SF3B3: variants seen among roughly 807,000 people sequenced by gnomAD.
SF3B3 encodes splicing factor 3b subunit 3.
A neutral mutation model predicts 139.2 loss-of-function variants in SF3B3; 33 were observed. The ratio of observed to expected loss-of-function variants is 0.24; its 90% CI spans 0.18 to 0.32. The LOEUF (loss-of-function observed/expected upper bound fraction) is 0.32, where lower values mean the gene tolerates loss of function less well. Among genes scored for constraint, SF3B3 ranks in the 10% least tolerant of loss-of-function variants. SF3B3 has a pLI of 1.00. For synonymous variants in SF3B3, 596 were observed against 563.6 expected (o/e 1.06, Z -0.81); for missense variants, 818 against 1,509.4 (o/e 0.54, Z 7.59).
At chr16:70,541,170 T>C (rs553577503) in intron 8 of SF3B3, among the ~76,000 whole-genome samples, 1 of 152,368 alleles carries the variant, frequency 6.6e-6, no homozygotes, top group East Asian at 1.9e-4. Context: ...TGGTAGCTCA[T>C]TGTGGTTTGC....
At position 70,565,514 on chromosome 16, in the gene SF3B3, T is replaced by C. The variant is rs1205344756; in HGVS notation, c.2816T>C (p.Phe939Ser). The change falls in exon 20 of 26, where the codon TTT (phenylalanine) becomes TCT (serine). Residue 939 changes from phenylalanine (F) to serine (S), a missense_variant. Transcript: ENST00000302516. ...KLVNNGEKLE[F>S]LHKTPVEEVP... ...GTGAACAATGGGGAAAAACTGGAGTTTTTGCACAAGGTAGGAATCTGCCAG... is the reference window on the plus strand; with the variant it reads ...GTGAACAATGGGGAAAAACTGGAGTCTTTGCACAAGGTAGGAATCTGCCAG... 9 of 1,613,488 alleles carry C rather than the reference T, an allele frequency of 5.6e-6. No individual in the cohort carries two copies. The East Asian group carries it at 1.8e-4, about 32-fold the overall frequency.
chr16:70,523,953 C>T (rs999645293), intron 1 of SF3B3, 25 bp downstream of exon 1: 8 of 422,298 alleles, frequency 1.9e-5, no homozygotes, highest in Admixed American at 4.2e-5. Flanking sequence ...TGGAGACTTC[C>T]CCGGGCCCGG....
At position 70,572,966 on chromosome 16, in the gene SF3B3, A is replaced by G. The variant is rs1194240609; in HGVS notation, c.*1153A>G. ...CTGTTCTCAATACTTCACAAATGTA[A>G]AACTTTCTTTCGTCTGCATGTGCTC... is the stretch of plus-strand genomic sequence containing the variant. On this transcript the variant is annotated 3_prime_UTR_variant, in exon 26 of 26. Coordinates refer to ENST00000302516, the MANE Select transcript of SF3B3 (RefSeq NM_012426.5). 1 of 152,200 alleles carries G rather than the reference A, an allele frequency of 6.6e-6. No homozygotes were observed. Among genetic ancestry groups the G allele is most frequent in the Non-Finnish European group, 1.5e-5 (1 of 68,050 alleles). The allele number at this position is 152,200 out of a possible 1,614,324, so 9.4% of individuals were successfully genotyped here. A position where few individuals can be genotyped will look rare whatever the true frequency, so the allele number is the denominator to read the frequency against.
At position 70,565,207 on chromosome 16, in the gene SF3B3, T is replaced by C; in HGVS notation, c.2606T>C (p.Met869Thr). 1 of 1,614,194 alleles carries C rather than the reference T, an allele frequency of 6.2e-7. No individual in the cohort carries two copies. The highest frequency in any genetic ancestry group is 8.5e-7 in the Non-Finnish European group (1 of 1,180,028). Reference protein sequence around the residue: ...NGQWASVIRVMNPIQGNTLDL... With the variant: ...NGQWASVIRVTNPIQGNTLDL... ...CAGTGGGCCTCTGTGATCCGAGTGATGAATCCCATTCAAGGGAACACACTG... is the reference window on the plus strand; with the variant it reads ...CAGTGGGCCTCTGTGATCCGAGTGACGAATCCCATTCAAGGGAACACACTG... Residue 869 changes from methionine to threonine, a missense_variant, in exon 19 of 26, where the codon ATG becomes ACG. This residue lies in a region of SF3B3 where 145 missense variants were observed against 153.6 expected (regional missense o/e 0.94). Transcript: ENST00000302516.
At chr16:70,561,837 C>A in intron 17 of SF3B3, 53 bp downstream of exon 17, 2 of 1,514,690 alleles carry the variant, frequency 1.3e-6, no homozygotes, top group Non-Finnish European at 1.8e-6. Context: ...GCCAAGGGCT[C>A]AGACTGGTTC....
chr16:70,539,312 C>T (rs1488043161), intron 8 of SF3B3, 105 bp downstream of exon 8: 11 of 806,764 alleles, frequency 1.4e-5, no homozygotes, highest in Non-Finnish European at 2.4e-5. Context: ...CTTTGGGAGG[C>T]TGAGGTGGGT....
At chr16:70,554,196 G>C (rs2151788507) in intron 11 of SF3B3, 2 of 369,474 alleles carry the variant, frequency 5.4e-6, no homozygotes, top group South Asian at 7.7e-5. Context: ...CTCTTGCTTT[G>C]TCCTCTCACT....
In SF3B3 at chr16:70,556,220, A is replaced by G; in HGVS notation, c.1752A>G (p.Ser584=). The G allele has an allele frequency of 6.2e-7, 1 of 1,614,196 alleles. No homozygotes were observed. Among genetic ancestry groups the G allele is most frequent in the South Asian group, 1.1e-5 (1 of 91,084 alleles). ...AGTACACAGAACGGAAGGAGATGTC[A>G]GCAGATGTGGTGTGCATGAGTCTGG... is the stretch of plus-strand genomic sequence containing the variant. ...LNEYTERKEM[S]ADVVCMSLAN... The change falls in exon 14 of 26, where the codon TCA becomes TCG. Residue 584 remains serine, a synonymous_variant. Transcript: ENST00000302516.
At position 70,569,113 on chromosome 16, in the gene SF3B3, G is replaced by A; in HGVS notation, c.3236G>A (p.Arg1079His). 1.2e-6 allele frequency: 2 copies of A among 1,611,180 alleles called. No homozygotes were observed. Among genetic ancestry groups the A allele is most frequent in the Non-Finnish European group, 1.7e-6 (2 of 1,178,718 alleles). Residue 1079 changes from arginine to histidine, a missense_variant, in exon 23 of 26, where the codon CGT becomes CAT. Around this residue, in one of 14 missense-constraint regions of SF3B3, gnomAD observed 91 missense variants for 171.8 expected, o/e 0.53. Coordinates refer to ENST00000302516, the MANE Select transcript of SF3B3 (RefSeq NM_012426.5). ...DPTGNKALWD[R>H]GLLNGASQKA... ...ACAGGAAACAAAGCCCTGTGGGACCGTGGCTTGCTCAATGGGGCCTCCCAG... is the reference window on the plus strand; with the variant it reads ...ACAGGAAACAAAGCCCTGTGGGACCATGGCTTGCTCAATGGGGCCTCCCAG...
intron 20 of SF3B3, among the ~76,000 whole-genome samples, chr16:70,566,041 C>T (rs920114824): frequency 6.6e-6 from 1 of 151,566 alleles, no homozygotes; most frequent in African/African-American, 2.4e-5. Flanking sequence ...CGCTTGAACC[C>T]GGGAGGCGGA....
At chr16:70,545,827 G>A (rs1193191187) in intron 10 of SF3B3, among the ~76,000 whole-genome samples, 1 of 152,170 alleles carries the variant, frequency 6.6e-6, no homozygotes, top group Admixed American at 6.5e-5. Context: ...TTAGCTTAAG[G>A]TATGGCATGA....
intron 1 of SF3B3, chr16:70,524,526 GTTTTT>G (rs1408952274): frequency 6.7e-6 from 1 of 149,158 alleles, no homozygotes; most frequent in Non-Finnish European, 1.5e-5. Context: ...GTTTTGTTTT[GTTTTT>G]GTGACGGAGT....
rs1295359645 is a variant in SF3B3 at position 70,565,259 on chromosome 16, G to A, written c.2658G>A (p.Glu886=). Reference sequence around the variant, plus strand: ...ACCTTGTCCAGCTGGAACAGAATGAGGCAGCTTTTAGGTAAGCAGCCCAGG... The same window carrying A: ...ACCTTGTCCAGCTGGAACAGAATGAAGCAGCTTTTAGGTAAGCAGCCCAGG... The part of the protein sequence containing the change: ...TLDLVQLEQN[E]AAFSVAVCRF... The change falls in exon 19 of 26, where the codon GAG becomes GAA. Residue 886 remains glutamate (E), a synonymous_variant. Coordinates refer to ENST00000302516, the MANE Select transcript of SF3B3 (RefSeq NM_012426.5). 21 of 1,614,088 alleles carry A rather than the reference G, an allele frequency of 1.3e-5. No homozygotes were observed. The highest frequency in any genetic ancestry group is 1.7e-5 in the Non-Finnish European group (20 of 1,180,036).
intron 21 of SF3B3, among the ~76,000 whole-genome samples, 181 bp downstream of exon 21, chr16:70,567,717 G>C (rs963947138): frequency 2.0e-5 from 3 of 152,026 alleles, no homozygotes; most frequent in African/African-American, 7.3e-5. Context: ...ACGGAGTCTC[G>C]CCCTGTTGCC....
chr16:70,570,336 T>G (rs907388010), intron 24 of SF3B3, among the ~76,000 whole-genome samples, 187 bp downstream of exon 24: 1 of 147,116 alleles, frequency 6.8e-6, no homozygotes, highest in Non-Finnish European at 1.5e-5. Flanking sequence ...CCATTTGGTT[T>G]TTTTTTTTTT....
rs1186760767 is a variant in SF3B3 at position 70,575,460 on chromosome 16, A to G, written c.*3647A>G. 1.3e-5 allele frequency: 2 copies of G among 152,290 alleles called. No homozygotes were observed. The highest frequency in any genetic ancestry group is 4.1e-4 in the South Asian group (2 of 4,820). The allele number at this position is 152,290 out of a possible 1,614,324, so 9.4% of individuals were successfully genotyped here. On this transcript the variant is annotated 3_prime_UTR_variant, in exon 26 of 26. Transcript: ENST00000302516. Reference sequence around the variant, plus strand: ...GTGATCCACCCACCTTGGTCTCCCAAAGCGCTGGGATTACAGGCGTGAGCC... The same window carrying G: ...GTGATCCACCCACCTTGGTCTCCCAGAGCGCTGGGATTACAGGCGTGAGCC...
chr16:70,551,147 G>C (rs1466783894), intron 11 of SF3B3, among the ~76,000 whole-genome samples: 1 of 152,152 alleles, frequency 6.6e-6, no homozygotes, highest in African/African-American at 2.4e-5. Context: ...GTGAGCTGCT[G>C]GTTGAGCCTT....
chr16:70,548,510 C>A, intron 11 of SF3B3, 68 bp downstream of exon 11: 1 of 1,334,884 alleles, frequency 7.5e-7, no homozygotes, highest in Non-Finnish European at 1.1e-6. Context: ...GCTTGAAAGG[C>A]TGCGTTCATA....
At chr16:70,551,867 A>C (rs769122096) in intron 11 of SF3B3, among the ~76,000 whole-genome samples, 1 of 152,182 alleles carries the variant, frequency 6.6e-6, no homozygotes, top group Non-Finnish European at 1.5e-5. Context: ...ACTCTAGTAC[A>C]TAAGAATTAA....
Sources: gnomAD v4.1 joint callset for allele counts (sites outside exome capture counted in the v4.1 genomes callset) on GRCh38, gnomAD v4.1.1 for gene constraint, gnomAD v4.1.1 regional missense constraint, MANE v1.5 for transcripts, NCBI Gene and HGNC (gene_info 2026-07-23, HGNC 2026-07-21) for gene names.